The following BEND7 variants were observed in gnomAD, a reference collection of about 807,000 sequenced individuals.
BEND7 encodes BEN domain containing 7, also known as BEN domain-containing protein 7.
A neutral mutation model predicts 50.9 loss-of-function variants in BEND7; 28 were observed. The observed-to-expected ratio is 0.55, with a 90% confidence interval of 0.41 to 0.75. BEND7 has a LOEUF of 0.75. Among genes scored for constraint, BEND7 ranks in the 30% least tolerant of loss-of-function variants. BEND7 has a pLI of 0.00. For synonymous variants in BEND7, 170 were observed against 183.9 expected (o/e 0.92, Z 0.61); for missense variants, 477 against 491.3 (o/e 0.97, Z 0.28).
intron 6 of BEND7, among the ~76,000 whole-genome samples, chr10:13,471,850 C>T (rs1246364578): frequency 6.6e-6 from 1 of 152,240 alleles, no homozygotes; most frequent in Admixed American, 6.5e-5. Flanking sequence ...TACCCACCAT[C>T]CCCATCATCG....
intron 2 of BEND7, among the ~76,000 whole-genome samples, chr10:13,513,662 C>A (rs2078443499): frequency 6.6e-6 from 1 of 152,238 alleles, no homozygotes; most frequent in Admixed American, 6.5e-5. Flanking sequence ...GCTACTGCCA[C>A]AAGCCTTCAG....
At chr10:13,465,614 G>C (rs949657209) in intron 6 of BEND7, among the ~76,000 whole-genome samples, 1 of 152,092 alleles carries the variant, frequency 6.6e-6, no homozygotes, top group Admixed American at 6.5e-5. Context: ...CTGAGAATTT[G>C]GAATATAACC....
intron 2 of BEND7, among the ~76,000 whole-genome samples, chr10:13,503,997 T>C (rs1296643375): frequency 6.6e-6 from 1 of 152,164 alleles, no homozygotes; most frequent in Non-Finnish European, 1.5e-5. Context: ...CCTGGGGCTC[T>C]ACTCCACAGC....
At chr10:13,477,672 T>C (rs931156425) in intron 6 of BEND7, among the ~76,000 whole-genome samples, 1 of 152,276 alleles carries the variant, frequency 6.6e-6, no homozygotes, top group Non-Finnish European at 1.5e-5. Flanking sequence ...GTTTCTATGT[T>C]TTAGCTTTCA....
chr10:13,441,798 C>A, intron 8 of BEND7, 48 bp from the exon 9 acceptor site: 1 of 1,572,598 alleles, frequency 6.4e-7, no homozygotes, highest in Non-Finnish European at 8.7e-7. Flanking sequence ...TACTTACTGG[C>A]CAGAAATGGA....
intron 1 of BEND7, among the ~76,000 whole-genome samples, chr10:13,526,789 C>G (rs1013191886): frequency 1.3e-5 from 2 of 152,184 alleles, no homozygotes; most frequent in Non-Finnish European, 2.9e-5. Context: ...TCAGCTACTG[C>G]ACTTTATTTA....
chr10:13,454,127 A>G (rs1838398137), intron 6 of BEND7, among the ~76,000 whole-genome samples: 1 of 152,166 alleles, frequency 6.6e-6, no homozygotes, highest in African/African-American at 2.4e-5. Context: ...GAGAACTGGC[A>G]TTGTTTGGTT....
chr10:13,504,394 G>T (rs527902018), intron 2 of BEND7, among the ~76,000 whole-genome samples: 1 of 152,304 alleles, frequency 6.6e-6, no homozygotes, highest in Admixed American at 6.5e-5. Context: ...TCCAGGAGGG[G>T]CACAGGATTT....
intron 2 of BEND7, among the ~76,000 whole-genome samples, chr10:13,509,871 AAG>A (rs1163082184): frequency 6.6e-6 from 1 of 152,240 alleles, no homozygotes; most frequent in Admixed American, 6.5e-5. Context: ...AGGTTTTTGT[AAG>A]AGCGATAGGA....
rs150836995 is a variant in BEND7, at chr10:13,510,071, C to G, written c.146-9991G>C. 4.8e-3 allele frequency among the ~76,000 whole-genome samples: 736 copies of G among 152,084 alleles called. 14 individuals carry two copies. The South Asian group carries it at 0.072, about 15-fold the overall frequency. ...TGAAACCACCACTTCAAGTAATATT[C>G]AAGAATAATCAAGTCAAAGAGTTAA... On this transcript the variant is annotated intron_variant, in intron 2 of 8. Coordinates refer to ENST00000466271, the MANE Select transcript of BEND7 (RefSeq NM_001369863.1).
At chr10:13,480,585 T>C in intron 6 of BEND7, 1 of 902,460 alleles carries the variant, frequency 1.1e-6, no homozygotes, top group Non-Finnish European at 1.3e-6. Context: ...AGTCATATTC[T>C]GAGGAAGCTC....
downstream of BEND7, among the ~76,000 whole-genome samples, chr10:13,440,934 T>A (rs1303079621): frequency 6.6e-6 from 1 of 152,166 alleles, no homozygotes; most frequent in Non-Finnish European, 1.5e-5. Context: ...GCAATCTAGG[T>A]GGTCTCTTTA....
chr10:13,502,648 C>T (rs1048620678), intron 2 of BEND7, among the ~76,000 whole-genome samples: 3 of 152,306 alleles, frequency 2.0e-5, no homozygotes, highest in East Asian at 1.9e-4. Context: ...CAGACACATA[C>T]GTTCCCGGCT....
chr10:13,504,766 C>T (rs1020999551), intron 2 of BEND7, among the ~76,000 whole-genome samples: 9 of 152,230 alleles, frequency 5.9e-5, no homozygotes, highest in African/African-American at 9.7e-5. Context: ...ATCCATGCCA[C>T]GTGACTACCT....
chr10:13,494,086 A>C (rs11258419), intron 4 of BEND7, among the ~76,000 whole-genome samples: 2 of 152,050 alleles, frequency 1.3e-5, no homozygotes, highest in East Asian at 1.9e-4. Context: ...AATGGTTCTC[A>C]ACCTTGGTTG....
intron 5 of BEND7, among the ~76,000 whole-genome samples, chr10:13,483,841 G>A (rs1016388586): frequency 6.6e-6 from 1 of 152,156 alleles, no homozygotes; most frequent in Admixed American, 6.5e-5. Context: ...GGGAGGAAGG[G>A]GGCTCTTGGG....
At position 13,474,476 on chromosome 10, in the gene BEND7, A is replaced by G. The variant is rs117206477; in HGVS notation, c.1063+6423T>C. Among the ~76,000 whole-genome samples the G allele has an allele frequency of 5.8e-4, 86 of 149,442 alleles. 3 individuals are homozygous for G. The South Asian group carries it at 0.011, about 18-fold the overall frequency. On this transcript the variant is annotated intron_variant, in intron 6 of 8. Coordinates refer to ENST00000466271, the MANE Select transcript of BEND7 (RefSeq NM_001369863.1). ...TAGACTCGGGTCAATACCCGTCATCACTGTTACACTCGGGGCCGATACCCG... is the reference window on the plus strand; with the variant it reads ...TAGACTCGGGTCAATACCCGTCATCGCTGTTACACTCGGGGCCGATACCCG...
chr10:13,529,318 AC>A (rs2079586448), upstream of BEND7, among the ~76,000 whole-genome samples: 1 of 150,722 alleles, frequency 6.6e-6, no homozygotes, highest in Non-Finnish European at 1.5e-5. Flanking sequence ...AACTCCGTGC[AC>A]CTCGCCGTGG....
intron 2 of BEND7, among the ~76,000 whole-genome samples, chr10:13,522,035 G>A (rs1469990339): frequency 6.6e-6 from 1 of 152,204 alleles, no homozygotes; most frequent in African/African-American, 2.4e-5. Flanking sequence ...CTGCCACACT[G>A]TGTGCTTCAT....
Sources: allele counts gnomAD v4.1 joint callset (sites outside exome capture counted in the v4.1 genomes callset), GRCh38; gene constraint gnomAD v4.1.1; transcripts MANE v1.5; gene names NCBI Gene and HGNC (gene_info 2026-07-23, HGNC 2026-07-21).